Variants in THSD4 observed in about 807,000 individuals in gnomAD.
The protein encoded by THSD4 is thrombospondin type 1 domain containing 4.
A neutral mutation model predicts 119.0 loss-of-function variants in THSD4; 69 were observed. The observed-to-expected ratio is 0.58, with a 90% CI of 0.48 to 0.71. THSD4 has a LOEUF of 0.71. Among genes scored for constraint, THSD4 ranks in the 30% least tolerant of loss-of-function variants. The pLI is 0.00. For missense variants in THSD4, 1,393 were observed against 1,391.1 expected, an observed-to-expected ratio of 1.00 and a Z score of -0.02; for synonymous variants, 524 against 540.4, an observed-to-expected ratio of 0.97 and a Z score of 0.42.
At chr15:71,733,444 C>T (rs2053020789) in intron 10 of THSD4, 1 of 152,160 alleles carries the variant, frequency 6.6e-6, no homozygotes, top group Non-Finnish European at 1.5e-5. Flanking sequence ...AATTAGTTGT[C>T]CATCCTAGCA....
intron 10 of THSD4, chr15:71,733,072 C>A: frequency 6.6e-6 from 1 of 152,024 alleles, no homozygotes; most frequent in Non-Finnish European, 1.5e-5. Context: ...GGGTCCATTG[C>A]TGGTTTACAG....
At chr15:71,529,616 G>C (rs554285537) in intron 7 of THSD4, among the ~76,000 whole-genome samples, 1 of 152,256 alleles carries the variant, frequency 6.6e-6, no homozygotes, top group African/African-American at 2.4e-5. Flanking sequence ...GGTTGAGAAG[G>C]GGAAGCTTAG....
Position 71,780,914 on chromosome 15 carries a change from A to T in THSD4, c.*3540A>T. 1 of 417,042 alleles carries T rather than the reference A, an allele frequency of 2.4e-6. No homozygotes were observed. The highest frequency in any genetic ancestry group is 1.7e-5 in the South Asian group (1 of 59,462). 25.8% of individuals were successfully genotyped at this position (417,042 alleles called of 1,614,324 possible). A position where few individuals can be genotyped will look rare whatever the true frequency, so the allele number is the denominator to read the frequency against. On this transcript the variant is annotated 3_prime_UTR_variant, in exon 18 of 18. Coordinates refer to ENST00000261862, the MANE Select transcript of THSD4 (RefSeq NM_024817.3). ...CAAGTTATGTGGCAGAGAAATCCAG[A>T]TATTACCAGGACCTGTCTAAACAAA...
At chr15:71,673,474 TG>T (rs1279402398) in intron 8 of THSD4, among the ~76,000 whole-genome samples, 2 of 152,232 alleles carry the variant, frequency 1.3e-5, no homozygotes, top group Non-Finnish European at 2.9e-5. Flanking sequence ...AAGGGTTTTT[TG>T]TGTCTCTATC....
At chr15:71,612,157 G>T (rs1380564690) in intron 7 of THSD4, among the ~76,000 whole-genome samples, 2 of 152,180 alleles carry the variant, frequency 1.3e-5, no homozygotes, top group African/African-American at 2.4e-5. Context: ...TCAGGGAGGG[G>T]CCAGGAGGCC....
chr15:71,350,745 G>A (rs369990923), intron 6 of THSD4, among the ~76,000 whole-genome samples: 1 of 152,086 alleles, frequency 6.6e-6, no homozygotes, highest in Non-Finnish European at 1.5e-5. Context: ...TGAGGCCTTG[G>A]GGGAGGGCAC....
At chr15:71,256,746 G>C in intron 6 of THSD4, 31 bp downstream of exon 6, 2 of 1,588,048 alleles carry the variant, frequency 1.3e-6, no homozygotes, top group Middle Eastern at 3.3e-4. Flanking sequence ...GTCCATAGAA[G>C]TTACTTTAGT....
intron 3 of THSD4, among the ~76,000 whole-genome samples, chr15:71,156,260 C>CTT (rs1194104436): frequency 7.1e-5 from 10 of 141,762 alleles, no homozygotes; most frequent in African/African-American, 1.5e-4. Flanking sequence ...AGGGGGTTTT[C>CTT]TTTTTTTTTT....
At chr15:71,435,162 AT>A (rs905538639) in intron 7 of THSD4, among the ~76,000 whole-genome samples, 153 of 150,312 alleles carry the variant, frequency 1.0e-3, no homozygotes, top group Non-Finnish European at 1.7e-3. Flanking sequence ...TAAATGTTTC[AT>A]TTTTTTTTTC....
chr15:71,232,493 T>C (rs941072116), intron 4 of THSD4, among the ~76,000 whole-genome samples: 3 of 150,942 alleles, frequency 2.0e-5, no homozygotes, highest in African/African-American at 7.3e-5. Context: ...GGTAAAGGGG[T>C]GTGCAGACTG....
chr15:71,107,007 A>T (rs937201723), intron 1 of THSD4, among the ~76,000 whole-genome samples: 1 of 152,238 alleles, frequency 6.6e-6, no homozygotes, highest in African/African-American at 2.4e-5. Context: ...TGATTACCAC[A>T]ACCATGCCCT....
intron 7 of THSD4, among the ~76,000 whole-genome samples, chr15:71,624,048 A>C (rs1177298796): frequency 6.6e-6 from 1 of 152,206 alleles, no homozygotes; most frequent in Non-Finnish European, 1.5e-5. Context: ...TGTCTGCAGG[A>C]GGTCTACTAG....
At position 71,757,822 on chromosome 15, in the gene THSD4, A is replaced by G. The variant is rs574791333; in HGVS notation, c.2416-80A>G. 37 of 1,571,618 alleles carry G rather than the reference A, an allele frequency of 2.4e-5. No homozygotes were observed. The East Asian group carries it at 4.9e-4, about 21-fold the overall frequency. On this transcript the variant is annotated intron_variant, in intron 14 of 17. Transcript: ENST00000261862. ...AGACGGCAGGAAAATGAAGCATTCC[A>G]TCCTCCTTTCCATCATTTGAAAGTG...
At chr15:71,538,561 G>C (rs2048716619) in intron 7 of THSD4, among the ~76,000 whole-genome samples, 1 of 152,198 alleles carries the variant, frequency 6.6e-6, no homozygotes, top group Non-Finnish European at 1.5e-5. Context: ...TTGAATTAAG[G>C]TTTTCTAGAC....
chr15:71,513,401 T>C (rs1009042806), intron 7 of THSD4, among the ~76,000 whole-genome samples: 1 of 152,158 alleles, frequency 6.6e-6, no homozygotes, highest in Non-Finnish European at 1.5e-5. Flanking sequence ...ATTTAGAATA[T>C]GGAAAGAACT....
At chr15:71,385,220 C>T (rs2140458793) in intron 6 of THSD4, among the ~76,000 whole-genome samples, 1 of 152,286 alleles carries the variant, frequency 6.6e-6, no homozygotes, top group Non-Finnish European at 1.5e-5. Context: ...AGACACAACG[C>T]TGTGGAGTTC....
intron 8 of THSD4, among the ~76,000 whole-genome samples, chr15:71,704,762 G>T (rs959895254): frequency 6.6e-6 from 1 of 152,208 alleles, no homozygotes; most frequent in Admixed American, 6.5e-5. Context: ...ACAATGATTT[G>T]TATGACAGAC....
At chr15:71,137,857 A>G (rs527537219) in intron 1 of THSD4, among the ~76,000 whole-genome samples, 1 of 152,302 alleles carries the variant, frequency 6.6e-6, no homozygotes, top group Admixed American at 6.5e-5. Context: ...AAATAAGCAT[A>G]CAACTTCAAT....
At chr15:71,716,561 G>GGGGTGTGTGTGTGTGTGTGTGTGT (rs1555445094) in intron 8 of THSD4, among the ~76,000 whole-genome samples, 3 of 144,564 alleles carry the variant, frequency 2.1e-5, no homozygotes, top group Non-Finnish European at 4.5e-5. Flanking sequence ...TAGAGTGTGG[G>GGGGTGTGTGTGTGTGTGTGTGTGT]GTGTGTGTGT....
Sources: allele counts gnomAD v4.1 joint callset (sites outside exome capture counted in the v4.1 genomes callset), GRCh38; gene constraint gnomAD v4.1.1; transcripts MANE v1.5; gene names NCBI Gene and HGNC (gene_info 2026-07-23, HGNC 2026-07-21).